The following CDKL1 variants were observed in gnomAD, a reference collection of about 807,000 sequenced individuals.
CDKL1 encodes the protein cyclin dependent kinase like 1, also known as cyclin-dependent kinase-like 1.
In CDKL1, 41 loss-of-function variants were observed where a neutral mutation model predicts 42.0. That is an observed-to-expected ratio of 0.98 (90% CI 0.76 to 1.27). The LOEUF (loss-of-function observed/expected upper bound fraction) is 1.27, where lower values mean the gene tolerates loss of function less well. Among genes scored for constraint, CDKL1 ranks in the 50% most tolerant of loss-of-function variants. The pLI, the probability that CDKL1 is intolerant of heterozygous loss-of-function variation, is 0.00. For missense variants in CDKL1, 394 were observed against 428.4 expected, an observed-to-expected ratio of 0.92 and a Z score of 0.71; for synonymous variants, 153 against 158.6, an observed-to-expected ratio of 0.96 and a Z score of 0.26.
chr14:50,363,002 A>G (rs1392293087), intron 2 of CDKL1: 1 of 461,058 alleles, frequency 2.2e-6, no homozygotes. Context: ...AAAGGGCTGC[A>G]GCTTCACTCT....
chr14:50,360,594 G>A lies in CDKL1; in HGVS notation c.169-1445C>T, dbSNP rs200691104. On this transcript the variant is annotated intron_variant, in intron 2 of 9. Transcript: ENST00000395834. The stretch of plus-strand genomic sequence containing the variant: ...AGCTAATTTTTGTACTTTGAGTAGA[G>A]ACAGGGTTTCGCCATGTTGGTCAGG... 7.3e-5 allele frequency among the ~76,000 whole-genome samples: 11 copies of A among 151,396 alleles called. No individual in the cohort carries two copies. In the East Asian group the frequency reaches 2.1e-3, roughly 29 times the overall value.
chr14:50,335,042 A>G lies in CDKL1; in HGVS notation c.739-421T>C, dbSNP rs181015630. 577 of 204,698 alleles carry G rather than the reference A, an allele frequency of 2.8e-3. 2 individuals carry two copies. The highest frequency in any genetic ancestry group is 0.012 in the African/African-American group (526 of 42,348). 12.7% of individuals were successfully genotyped at this position (204,698 alleles called of 1,614,324 possible). On this transcript the variant is annotated intron_variant, in intron 7 of 9. Coordinates refer to ENST00000395834, the MANE Select transcript of CDKL1 (RefSeq NM_004196.7). ...TGGCTGGGTGCGGTGGCTCATGCCTATAATCCACTCAGGCCAAGTCTGATG... is the reference window on the plus strand; with the variant it reads ...TGGCTGGGTGCGGTGGCTCATGCCTGTAATCCACTCAGGCCAAGTCTGATG...
At chr14:50,368,819 C>A (rs1337858521) in intron 2 of CDKL1, among the ~76,000 whole-genome samples, 1 of 151,736 alleles carries the variant, frequency 6.6e-6, no homozygotes, top group Non-Finnish European at 1.5e-5. Context: ...AATTGCTTGG[C>A]CTGTTTAGCC....
intron 2 of CDKL1, among the ~76,000 whole-genome samples, chr14:50,366,384 G>A (rs921565068): frequency 6.6e-6 from 1 of 152,192 alleles, no homozygotes; most frequent in African/African-American, 2.4e-5. Flanking sequence ...GAGAACTTGG[G>A]TCACTTCAGC....
chr14:50,344,482 T>G (rs1595285282), intron 4 of CDKL1, among the ~76,000 whole-genome samples: 1 of 150,590 alleles, frequency 6.6e-6, no homozygotes, highest in East Asian at 1.9e-4. Context: ...TTTTTTTTTT[T>G]TTTTTGAGAC....
In CDKL1 at chr14:50,326,918, G is replaced by A. The variant is rs112774313; in HGVS notation, c.*3156C>T. 22 of 188,494 alleles carry A rather than the reference G, an allele frequency of 1.2e-4. No homozygotes were observed. Among genetic ancestry groups the A allele is most frequent in the African/African-American group, 5.0e-4 (21 of 42,200 alleles). The allele number at this position is 188,494 out of a possible 1,614,324, so 11.7% of individuals were successfully genotyped here. A position where few individuals can be genotyped will look rare whatever the true frequency, so the allele number is the denominator to read the frequency against. On this transcript the variant is annotated 3_prime_UTR_variant, in exon 10 of 10. Transcript: ENST00000395834. ...TAGGCAGGCATGGTGGTGCATACCT[G>A]TAATCTCAGATACTTGGGAGGTTGA...
intron 9 of CDKL1, chr14:50,332,017 T>A: frequency 6.5e-7 from 1 of 1,536,144 alleles, no homozygotes; most frequent in Non-Finnish European, 8.7e-7. Context: ...CCTGTGCTCA[T>A]GCAGGCTGGA....
At chr14:50,345,611 A>G (rs2033698989) in intron 3 of CDKL1, among the ~76,000 whole-genome samples, 1 of 152,188 alleles carries the variant, frequency 6.6e-6, no homozygotes, top group African/African-American at 2.4e-5. Context: ...ATTGCAAACC[A>G]TTCTATTTGT....
chr14:50,370,798 A>G (rs1158744116), intron 2 of CDKL1, among the ~76,000 whole-genome samples: 1 of 152,132 alleles, frequency 6.6e-6, no homozygotes, highest in East Asian at 1.9e-4. Context: ...TACCTGTTTA[A>G]ATGACCAGAT....
intron 2 of CDKL1, among the ~76,000 whole-genome samples, chr14:50,393,429 T>C (rs1346474181): frequency 2.6e-5 from 4 of 152,218 alleles, no homozygotes; most frequent in Non-Finnish European, 4.4e-5. Context: ...GAAAATAAAA[T>C]GTTCATTTAC....
At chr14:50,379,014 G>A (rs2034825341) in intron 2 of CDKL1, among the ~76,000 whole-genome samples, 1 of 152,062 alleles carries the variant, frequency 6.6e-6, no homozygotes, top group Non-Finnish European at 1.5e-5. Context: ...ATCACACGCA[G>A]CTAATTTTTG....
chr14:50,337,315 GT>G (rs1435002621), intron 7 of CDKL1, among the ~76,000 whole-genome samples: 1 of 147,664 alleles, frequency 6.8e-6, no homozygotes, highest in Non-Finnish European at 1.5e-5. Flanking sequence ...AGCCTACACT[GT>G]TTTATAACCG....
intron 8 of CDKL1, 69 bp downstream of exon 8, chr14:50,334,496 G>A: frequency 1.1e-6 from 1 of 885,726 alleles, no homozygotes; most frequent in Non-Finnish European, 1.9e-6. Context: ...ATTGACATAA[G>A]TAATTCAGAT....
At position 50,359,054 on chromosome 14, in the gene CDKL1, G is replaced by A; in HGVS notation, c.264C>T (p.Leu88=). ...LVFEYCDHTV[L]HELDRYQRGV... ...CTCTTTGGTATCTGTCCAACTCATG[G>A]AGAACTGTGTGGTCACAATATTCAA... is the stretch of plus-strand genomic sequence containing the variant. The change falls in exon 3 of 10, where the codon CTC becomes CTT. Residue 88 remains leucine, a synonymous_variant. Transcript: ENST00000395834. The A allele has an allele frequency of 6.2e-7, 1 of 1,612,766 alleles. No homozygotes were observed. Among genetic ancestry groups the A allele is most frequent in the Non-Finnish European group, 8.5e-7 (1 of 1,178,882 alleles).
chr14:50,342,943 C>A (rs370487076), intron 4 of CDKL1: 14 of 1,356,836 alleles, frequency 1.0e-5, no homozygotes, highest in East Asian at 4.7e-5. Flanking sequence ...CTCTGTCCCA[C>A]ACACAAGTGC....
At chr14:50,392,417 GC>G (rs1474263502) in intron 2 of CDKL1, among the ~76,000 whole-genome samples, 1 of 151,354 alleles carries the variant, frequency 6.6e-6, no homozygotes, top group African/African-American at 2.4e-5. Context: ...CTGCACTCCA[GC>G]CTGGGTAGCA....
intron 7 of CDKL1, chr14:50,335,969 C>T: frequency 7.3e-7 from 1 of 1,365,600 alleles, no homozygotes; most frequent in Non-Finnish European, 9.8e-7. Flanking sequence ...GACAGTAGCC[C>T]CTGTTGCACC....
intron 2 of CDKL1, among the ~76,000 whole-genome samples, chr14:50,378,937 C>A (rs1235913523): frequency 6.6e-6 from 1 of 152,050 alleles, no homozygotes; most frequent in South Asian, 2.1e-4. Context: ...CTGCAACCTC[C>A]GCCTTCTGGG....
intron 2 of CDKL1, chr14:50,379,984 C>G (rs893144614): frequency 1.3e-5 from 5 of 394,906 alleles, no homozygotes; most frequent in Non-Finnish European, 2.6e-5. Context: ...ACCATGGCCT[C>G]AGGTTAGAGC....
Sources: gnomAD v4.1 joint callset for allele counts (sites outside exome capture counted in the v4.1 genomes callset) on GRCh38, gnomAD v4.1.1 for gene constraint, MANE v1.5 for transcripts, NCBI Gene and HGNC (gene_info 2026-07-23, HGNC 2026-07-21) for gene names.